Variants in NEK1 observed in about 807,000 individuals in gnomAD.
The protein encoded by NEK1 is serine/threonine-protein kinase Nek1.
A neutral mutation model predicts 182.1 loss-of-function variants in NEK1; 137 were observed. That is an observed-to-expected ratio of 0.75 (90% confidence interval 0.65 to 0.87). NEK1 has a LOEUF of 0.87. NEK1 is among the 40% of genes least tolerant of loss of function. The probability of loss-of-function intolerance (pLI) is 0.00; values close to 1 mark genes in which losing one functional copy is unlikely to be tolerated. For missense variants in NEK1, 1,391 were observed against 1,494.4 expected (o/e 0.93, Z 1.14); for synonymous variants, 513 against 492.2 (o/e 1.04, Z -0.56).
At chr4:169,571,646 G>A (rs1235081560) in intron 12 of NEK1, among the ~76,000 whole-genome samples, 4 of 152,154 alleles carry the variant, frequency 2.6e-5, no homozygotes, top group East Asian at 1.9e-4. Flanking sequence ...AGGCTGTACC[G>A]GGACTAGCAA....
chr4:169,595,879 C>T (rs768050089), intron 5 of NEK1, among the ~76,000 whole-genome samples: 7 of 138,558 alleles, frequency 5.1e-5, no homozygotes, highest in Non-Finnish European at 9.0e-5. Context: ...GCCGAGATCA[C>T]GCAACAGCAC....
At chr4:169,549,679 TC>T (rs1381436368) in intron 18 of NEK1, among the ~76,000 whole-genome samples, 2 of 152,100 alleles carry the variant, frequency 1.3e-5, no homozygotes, top group Non-Finnish European at 2.9e-5. Context: ...TGCCTCGGCC[TC>T]CCAAAGTGCT....
At chr4:169,504,023 T>C (rs1416376035) in intron 23 of NEK1, among the ~76,000 whole-genome samples, 1 of 151,948 alleles carries the variant, frequency 6.6e-6, no homozygotes, top group Admixed American at 6.6e-5. Context: ...CTCAAACCAC[T>C]CAACAGGAAA....
chr4:169,479,049 CAA>C (rs1387149961), intron 24 of NEK1, among the ~76,000 whole-genome samples: 8 of 152,092 alleles, frequency 5.3e-5, no homozygotes, highest in African/African-American at 1.9e-4. Flanking sequence ...ACTTTAGCAC[CAA>C]AGAGACATTA....
At chr4:169,475,700 A>G (rs1179235958) in intron 26 of NEK1, among the ~76,000 whole-genome samples, 1 of 152,180 alleles carries the variant, frequency 6.6e-6, no homozygotes, top group East Asian at 1.9e-4. Context: ...GACATTAATA[A>G]AATTTTCACA....
At chr4:169,501,568 G>A (rs1448093004) in intron 23 of NEK1, among the ~76,000 whole-genome samples, 1 of 151,988 alleles carries the variant, frequency 6.6e-6, no homozygotes, top group Non-Finnish European at 1.5e-5. Flanking sequence ...GACCATAGTA[G>A]AATAAAAATA....
chr4:169,420,895 A>G (rs1735376894), intron 31 of NEK1, among the ~76,000 whole-genome samples: 1 of 152,222 alleles, frequency 6.6e-6, no homozygotes, highest in Non-Finnish European at 1.5e-5. Flanking sequence ...CATTAAATGT[A>G]AATTGTCTAA....
At chr4:169,562,501 A>G (rs1048279944) in intron 12 of NEK1, among the ~76,000 whole-genome samples, 2 of 152,116 alleles carry the variant, frequency 1.3e-5, no homozygotes, top group Non-Finnish European at 2.9e-5. Flanking sequence ...GAAAAGCCCA[A>G]TGATGGAGAT....
chr4:169,541,962 A>C (rs1479601867), intron 18 of NEK1, among the ~76,000 whole-genome samples: 2 of 152,268 alleles, frequency 1.3e-5, no homozygotes, highest in East Asian at 3.9e-4. Context: ...ATGACAAGTC[A>C]GTCAATTCTT....
intron 27 of NEK1, among the ~76,000 whole-genome samples, chr4:169,461,114 G>C (rs939324633): frequency 6.6e-6 from 1 of 152,156 alleles, no homozygotes; most frequent in East Asian, 1.9e-4. Flanking sequence ...CAAAGTCAGA[G>C]GAACTTATCC....
intron 2 of NEK1, among the ~76,000 whole-genome samples, chr4:169,608,828 G>A (rs2150164935): frequency 6.6e-6 from 1 of 152,200 alleles, no homozygotes; most frequent in South Asian, 2.1e-4. Context: ...GGAGGCCGAG[G>A]CAGGCGGATC....
intron 12 of NEK1, among the ~76,000 whole-genome samples, chr4:169,568,946 A>AC (rs1287683031): frequency 6.6e-6 from 1 of 150,538 alleles, no homozygotes; most frequent in Non-Finnish European, 1.5e-5. Flanking sequence ...TCAAAAAAAA[A>AC]AAAAAGAAAA....
chr4:169,474,708 T>C (rs753045441), intron 26 of NEK1, among the ~76,000 whole-genome samples: 12 of 152,224 alleles, frequency 7.9e-5, no homozygotes, highest in Admixed American at 7.2e-4. Context: ...CTGTTCCTCA[T>C]TTTCTTTGCA....
intron 16 of NEK1, 141 bp from the exon 17 acceptor site, chr4:169,556,236 G>T: frequency 1.4e-6 from 1 of 713,850 alleles, no homozygotes; most frequent in Non-Finnish European, 2.1e-6. Flanking sequence ...CAAACATAAA[G>T]CCTAAAGCAA....
At chr4:169,562,337 A>G in intron 12 of NEK1, 141 bp from the exon 13 acceptor site, 1 of 565,338 alleles carries the variant, frequency 1.8e-6, no homozygotes, top group Non-Finnish European at 3.0e-6. Context: ...TATCTTAAAA[A>G]AAAAAATCGT....
intron 2 of NEK1, among the ~76,000 whole-genome samples, chr4:169,603,882 T>C (rs1770904282): frequency 6.6e-6 from 1 of 152,088 alleles, no homozygotes; most frequent in East Asian, 1.9e-4. Flanking sequence ...ATTTTTGTAT[T>C]TTTAGTAGAG....
At chr4:169,588,523 T>TTATA (rs1466338220) in intron 8 of NEK1, 126 bp downstream of exon 8, 6 of 503,230 alleles carry the variant, frequency 1.2e-5, no homozygotes, top group African/African-American at 1.2e-4. Context: ...TAGCAACATT[T>TTATA]TATATATACA....
chr4:169,599,957 C>T (rs936244522), intron 4 of NEK1, among the ~76,000 whole-genome samples: 3 of 151,896 alleles, frequency 2.0e-5, no homozygotes, highest in African/African-American at 7.3e-5. Context: ...AGCTCCTGGG[C>T]TCAAGGGAAC....
At chr4:169,454,692 A>G (rs1742503303) in intron 27 of NEK1, among the ~76,000 whole-genome samples, 1 of 152,234 alleles carries the variant, frequency 6.6e-6, no homozygotes, top group South Asian at 2.1e-4. Flanking sequence ...GGTGCTGGAG[A>G]GGATGTGGAG....
Sources: allele counts gnomAD v4.1 joint callset (sites outside exome capture counted in the v4.1 genomes callset), GRCh38; gene constraint gnomAD v4.1.1; transcripts MANE v1.5; gene names NCBI Gene and HGNC (gene_info 2026-07-23, HGNC 2026-07-21).